The following PDE10A variants were observed in gnomAD, a reference collection of about 807,000 sequenced individuals.
The protein encoded by PDE10A is phosphodiesterase 10A, also known as cAMP and cAMP-inhibited cGMP 3',5'-cyclic phosphodiesterase 10A.
Under a neutral mutation model 97.7 loss-of-function variants are expected in PDE10A, and 39 were observed. The ratio of observed to expected loss-of-function variants is 0.40; its 90% CI spans 0.31 to 0.52. The LOEUF is 0.52. Among genes scored for constraint, PDE10A ranks in the 20% least tolerant of loss-of-function variants. The pLI is 0.56. For synonymous variants in PDE10A, 371 were observed against 376.8 expected (o/e 0.98, Z 0.18); for missense variants, 731 against 1,047.8 (o/e 0.70, Z 4.17).
chr6:165,808,523 G>T (rs931143836), intron 1 of PDE10A, among the ~76,000 whole-genome samples: 9 of 152,198 alleles, frequency 5.9e-5, no homozygotes, highest in East Asian at 3.9e-4. Context: ...TCTGGAAAAT[G>T]CAGAAAGTTA....
At chr6:165,403,343 C>T (rs557536627) in intron 13 of PDE10A, among the ~76,000 whole-genome samples, 1 of 152,288 alleles carries the variant, frequency 6.6e-6, no homozygotes, top group South Asian at 2.1e-4. Flanking sequence ...CACATTTCTT[C>T]CCAACTCTGC....
intron 1 of PDE10A, among the ~76,000 whole-genome samples, chr6:165,877,326 C>T (rs1781368083): frequency 6.6e-6 from 1 of 152,132 alleles, no homozygotes; most frequent in Non-Finnish European, 1.5e-5. Flanking sequence ...TTCCCTTCCT[C>T]ACCTTCCTAT....
chr6:165,705,434 A>G (rs1273948340), intron 1 of PDE10A, among the ~76,000 whole-genome samples: 2 of 152,254 alleles, frequency 1.3e-5, no homozygotes, highest in Non-Finnish European at 2.9e-5. Context: ...TCTAAGATAC[A>G]GCCTTTAAAG....
intron 1 of PDE10A, among the ~76,000 whole-genome samples, chr6:165,818,131 C>G (rs1160532344): frequency 6.6e-6 from 1 of 152,190 alleles, no homozygotes; most frequent in Non-Finnish European, 1.5e-5. Context: ...AGATCCTGCT[C>G]TCACTGTCCC....
intron 1 of PDE10A, among the ~76,000 whole-genome samples, chr6:165,951,159 C>A (rs1783945353): frequency 6.6e-6 from 1 of 152,190 alleles, no homozygotes; most frequent in African/African-American, 2.4e-5. Context: ...TGAAAAACTA[C>A]CTCCGAACTG....
chr6:165,824,589 T>C (rs1203560656), intron 1 of PDE10A, among the ~76,000 whole-genome samples: 1 of 152,202 alleles, frequency 6.6e-6, no homozygotes, highest in East Asian at 1.9e-4. Context: ...AATTTTCACC[T>C]TGGAACAAAG....
chr6:165,641,283 G>A (rs1385199197), intron 1 of PDE10A, among the ~76,000 whole-genome samples: 4 of 152,148 alleles, frequency 2.6e-5, no homozygotes, highest in Admixed American at 2.0e-4. Context: ...CTAGAAATAT[G>A]AGGTAGTTAA....
intron 1 of PDE10A, among the ~76,000 whole-genome samples, chr6:165,705,090 G>A (rs1168321627): frequency 2.0e-5 from 3 of 152,206 alleles, no homozygotes; most frequent in Non-Finnish European, 4.4e-5. Flanking sequence ...CCCCCAGCAT[G>A]GCACGCACAC....
chr6:165,374,226 A>G (rs1784462026), intron 18 of PDE10A, among the ~76,000 whole-genome samples: 1 of 150,120 alleles, frequency 6.7e-6, no homozygotes, highest in African/African-American at 2.5e-5. Context: ...AACTTGAAGT[A>G]TGATAATAAT....
intron 1 of PDE10A, chr6:165,660,768 C>G (rs1790208805): frequency 6.6e-6 from 1 of 150,918 alleles, no homozygotes; most frequent in African/African-American, 2.4e-5. Context: ...AAACGCGGCT[C>G]CTGAGCGAGG....
chr6:165,686,498 C>G (rs150398018), intron 1 of PDE10A, among the ~76,000 whole-genome samples: 1 of 152,240 alleles, frequency 6.6e-6, no homozygotes, highest in East Asian at 1.9e-4. Flanking sequence ...CTCCCAGAGA[C>G]TAGTTCATGG....
At chr6:165,699,619 G>A (rs560985079) in intron 1 of PDE10A, among the ~76,000 whole-genome samples, 1 of 152,170 alleles carries the variant, frequency 6.6e-6, no homozygotes, top group East Asian at 1.9e-4. Context: ...AATTTAAAAG[G>A]AGCAAAATAG....
At chr6:165,690,462 A>C (rs1326787727) in intron 1 of PDE10A, among the ~76,000 whole-genome samples, 1 of 152,106 alleles carries the variant, frequency 6.6e-6, no homozygotes, top group Non-Finnish European at 1.5e-5. Flanking sequence ...GCTCTCCTCC[A>C]GTTCCTTTTC....
chr6:165,669,096 TGTCTGCAAGAGCAGC>T (rs564901508), intron 1 of PDE10A, among the ~76,000 whole-genome samples: 162 of 152,338 alleles, frequency 1.1e-3, no homozygotes, highest in African/African-American at 3.8e-3. Flanking sequence ...GTCTACCCAG[TGTCTGCAAGAGCAGC>T]CAATTGGGAG....
chr6:165,803,047 T>C (rs889101363), intron 1 of PDE10A, among the ~76,000 whole-genome samples: 15 of 152,220 alleles, frequency 9.9e-5, no homozygotes, highest in African/African-American at 2.2e-4. Context: ...TATTGATACA[T>C]TGCCGATAAT....
chr6:165,327,651 A>T lies in PDE10A; in HGVS notation c.*5374T>A, dbSNP rs1011370263. Reference sequence around the variant, plus strand: ...TACAATATTTATAATTTATAAATGCAAAGTTAAGACCTCTTTAAATTATTG... The same window carrying T: ...TACAATATTTATAATTTATAAATGCTAAGTTAAGACCTCTTTAAATTATTG... On this transcript the variant is annotated 3_prime_UTR_variant, in exon 22 of 22. Coordinates refer to ENST00000539869, the MANE Select transcript of PDE10A (RefSeq NM_001385079.1). 6.6e-6 allele frequency: 1 copy of T among 152,264 alleles called. No homozygotes were observed. The highest frequency in any genetic ancestry group is 1.5e-5 in the Non-Finnish European group (1 of 68,042). The allele number at this position is 152,264 out of a possible 1,614,324, so 9.4% of individuals were successfully genotyped here. A position where few individuals can be genotyped will look rare whatever the true frequency, so the allele number is the denominator to read the frequency against.
chr6:165,391,563 A>G (rs546390233), intron 16 of PDE10A, among the ~76,000 whole-genome samples: 18 of 152,332 alleles, frequency 1.2e-4, no homozygotes, highest in African/African-American at 3.4e-4. Flanking sequence ...GACTTTGTTA[A>G]GACAAACAAA....
chr6:165,795,695 T>C (rs918209944), intron 1 of PDE10A, among the ~76,000 whole-genome samples: 1 of 152,106 alleles, frequency 6.6e-6, no homozygotes, highest in Non-Finnish European at 1.5e-5. Flanking sequence ...GAGGCTGCAG[T>C]GAGCCAAGAT....
chr6:165,695,774 G>T (rs1045289616), intron 1 of PDE10A, among the ~76,000 whole-genome samples: 1 of 152,266 alleles, frequency 6.6e-6, no homozygotes, highest in Middle Eastern at 3.4e-3. Flanking sequence ...TGGTAGGCTC[G>T]CTAGTGCACA....
Sources: allele counts gnomAD v4.1 joint callset (sites outside exome capture counted in the v4.1 genomes callset), GRCh38; gene constraint gnomAD v4.1.1; transcripts MANE v1.5; gene names NCBI Gene and HGNC (gene_info 2026-07-23, HGNC 2026-07-21).